Variants in MATK observed in about 807,000 individuals in gnomAD.
MATK encodes megakaryocyte-associated tyrosine kinase, also known as megakaryocyte-associated tyrosine-protein kinase.
Under a neutral mutation model 59.8 loss-of-function variants are expected in MATK, and 41 were observed. That is an observed-to-expected ratio of 0.69 (90% CI 0.53 to 0.89). The LOEUF (loss-of-function observed/expected upper bound fraction) is 0.89. Among genes scored for constraint, MATK ranks in the 40% least tolerant of loss-of-function variants. The pLI is 0.00. For missense variants in MATK, 593 were observed against 719.6 expected, an observed-to-expected ratio of 0.82 and a Z score of 2.01; for synonymous variants, 308 against 306.1, an observed-to-expected ratio of 1.01 and a Z score of -0.06.
In MATK at chr19:3,781,725, T is replaced by C. The variant is rs963427123; in HGVS notation, c.677-53A>G. 2.2e-5 allele frequency: 31 copies of C among 1,417,966 alleles called. No individual in the cohort carries two copies. The African/African-American group carries it at 2.7e-4, about 12-fold the overall frequency. The allele number at this position is 1,417,966 out of a possible 1,614,324, so 87.8% of individuals were successfully genotyped here. A position where few individuals can be genotyped will look rare whatever the true frequency, so the allele number is the denominator to read the frequency against. ...GTAATGGGCCCCCTAAATCCTCCCA[T>C]TGGGGGTTCTACTTGGTGAGAGACT... is the stretch of plus-strand genomic sequence containing the variant. On this transcript the variant is annotated intron_variant, in intron 7 of 13. Coordinates refer to ENST00000310132, the MANE Select transcript of MATK (RefSeq NM_139355.3).
chr19:3,784,030 C>T lies in MATK; in HGVS notation c.366G>A (p.Trp122Ter). Residue 122 changes from tryptophan to a stop codon, truncating the protein, a stop_gained, in exon 6 of 14, where the codon TGG (tryptophan) becomes TGA (stop). Coordinates refer to ENST00000310132, the MANE Select transcript of MATK (RefSeq NM_139355.3). LOFTEE classifies it high-confidence loss of function. ...CCTGGCCCGAGATCTTCCCGTGGAA[C>T]CACCTGCGGCCACGGAAGGGGTGGG... ...SADPKLSLMP[W>*]FHGKISGQEA... 1 of 1,601,830 alleles carries T rather than the reference C, an allele frequency of 6.2e-7. No individual in the cohort carries two copies. Among genetic ancestry groups the T allele is most frequent in the Non-Finnish European group, 8.5e-7 (1 of 1,172,870 alleles).
chr19:3,800,128 C>A lies in MATK; in HGVS notation c.-58+1404G>T, dbSNP rs1231876610. 9.8e-5 allele frequency among the ~76,000 whole-genome samples: 13 copies of A among 133,252 alleles called. No individual in the cohort carries two copies. The East Asian group carries it at 2.8e-3, about 29-fold the overall frequency. The allele number at this position is 133,252 out of a possible 152,430, so 87.4% of individuals were successfully genotyped here. Reference sequence around the variant, plus strand: ...CTGCGCTCCAGCCTGGGCAACAGAGCGAGACTCCGTCTCAAAAAAAAAAAA... The same window carrying A: ...CTGCGCTCCAGCCTGGGCAACAGAGAGAGACTCCGTCTCAAAAAAAAAAAA... On this transcript the variant is annotated intron_variant, in intron 1 of 13. Transcript: ENST00000395045.
chr19:3,778,469 C>A lies in MATK; in HGVS notation c.1284+40G>T, dbSNP rs747834767. ...AGGGGTCAGGGCCACAGCCTCTGGA[C>A]CTGCCCGGAACCCAGTGCCTCCCTG... On this transcript the variant is annotated intron_variant, in intron 13 of 13. Transcript: ENST00000310132. 3.1e-6 allele frequency: 5 copies of A among 1,613,736 alleles called. No homozygotes were observed. In the Admixed American group the frequency reaches 5.0e-5, roughly 16 times the overall value.
At chr19:3,800,438 G>A (rs1207553859) in intron 1 of MATK, among the ~76,000 whole-genome samples, 1 of 152,140 alleles carries the variant, frequency 6.6e-6, no homozygotes, top group Non-Finnish European at 1.5e-5. Context: ...CTGAGGTCAG[G>A]AGTTTGAGAC....
chr19:3,795,751 CTTTTTTTTTT>C lies in MATK; in HGVS notation c.-58+5771_-58+5780del, dbSNP rs530367941. On this transcript the variant is annotated intron_variant, in intron 1 of 13. Coordinates refer to the MATK transcript ENST00000395045. Reference sequence around the variant, plus strand: ...GTCTTTATTTTCTCATAAGTAGGTGCTTTTTTTTTTTTTTTTTTTTTTTTTTTTGAGATGG... The same window carrying C: ...GTCTTTATTTTCTCATAAGTAGGTGCTTTTTTTTTTTTTTTTTTGAGATGG... Among the ~76,000 whole-genome samples, 35 of 54,778 alleles carry C rather than the reference CTTTTTTTTTT, an allele frequency of 6.4e-4. No individual in the cohort carries two copies. In the South Asian group the frequency reaches 8.8e-3, roughly 14 times the overall value. The allele number at this position is 54,778 out of a possible 152,430, so 35.9% of individuals were successfully genotyped here. A position where few individuals can be genotyped will look rare whatever the true frequency, so the allele number is the denominator to read the frequency against.
At chr19:3,790,653 G>A (rs1568410076), upstream of MATK, among the ~76,000 whole-genome samples, 1 of 152,128 alleles carries the variant, frequency 6.6e-6, no homozygotes, top group Non-Finnish European at 1.5e-5. Context: ...AGTCCGAACT[G>A]CAGAAGTTTC....
At chr19:3,788,574 G>A (rs1409261453), upstream of MATK, among the ~76,000 whole-genome samples, 5 of 144,002 alleles carry the variant, frequency 3.5e-5, no homozygotes, top group South Asian at 1.1e-3. Flanking sequence ...AGCCAAGATC[G>A]CGCCACTGCA....
chr19:3,794,442 C>T (rs780676908), intron 1 of MATK, among the ~76,000 whole-genome samples: 7 of 152,004 alleles, frequency 4.6e-5, no homozygotes, highest in Non-Finnish European at 1.0e-4. Flanking sequence ...TTGCTTGAGC[C>T]CTGCCATTGG....
intron 1 of MATK, among the ~76,000 whole-genome samples, chr19:3,800,814 A>G (rs1450109684): frequency 6.6e-5 from 10 of 152,172 alleles, no homozygotes; most frequent in Admixed American, 6.6e-4. Flanking sequence ...ATTTATGTGG[A>G]AAAACACATG....
intron 8 of MATK, among the ~76,000 whole-genome samples, 160 bp downstream of exon 8, chr19:3,781,446 CT>C (rs1212635783): frequency 1.3e-5 from 2 of 152,028 alleles, no homozygotes; most frequent in African/African-American, 4.8e-5. Context: ...CCATTACCCC[CT>C]GTTCCAGAGG....
At position 3,784,149 on chromosome 19, in the gene MATK, C is replaced by A. The variant is rs753406082; in HGVS notation, c.337G>T (p.Ala113Ser). ...GGCATGAGGCTGAGCTTGGGGTCTG[C>A]GGAGAGGGCCTCCCGCTCCCGCAGC... ...GALREREALS[A>S]DPKLSLMPWF... Residue 113 changes from alanine (A) to serine (S), a missense_variant, in exon 5 of 14, where the codon GCA becomes TCA. Ala to Ser is a moderately conservative substitution (Grantham distance 99). Coordinates refer to ENST00000310132, the MANE Select transcript of MATK (RefSeq NM_139355.3). 1.9e-5 allele frequency: 30 copies of A among 1,612,288 alleles called. No individual in the cohort carries two copies. The South Asian group carries it at 3.1e-4, about 17-fold the overall frequency.
At chr19:3,783,734 C>G in intron 6 of MATK, 80 bp downstream of exon 6, 1 of 1,354,706 alleles carries the variant, frequency 7.4e-7, no homozygotes, top group Non-Finnish European at 1.0e-6. Flanking sequence ...ACCCGCCCCT[C>G]TATCTCTACG....
At chr19:3,791,188 C>G (rs892180467), upstream of MATK, among the ~76,000 whole-genome samples, 1 of 152,070 alleles carries the variant, frequency 6.6e-6, no homozygotes, top group Non-Finnish European at 1.5e-5. Context: ...ATTGCTGAGT[C>G]AAATTAGATT....
At chr19:3,786,434 C>A (rs2037486072), upstream of MATK, 4 of 976,742 alleles carry the variant, frequency 4.1e-6, no homozygotes, top group Non-Finnish European at 4.9e-6. The surrounding 1 kb of genome is among the most constrained non-coding windows in gnomAD (Gnocchi z 4.1). Flanking sequence ...GCCCCGCCTC[C>A]GCGGCCCCCG....
chr19:3,781,468 G>T (rs1293050935), intron 8 of MATK, 139 bp downstream of exon 8: 1 of 858,982 alleles, frequency 1.2e-6, no homozygotes, highest in African/African-American at 1.7e-5. Context: ...GGGAAACTGA[G>T]GCTCAGAGGA....
intron 8 of MATK, 21 bp downstream of exon 8, chr19:3,781,586 C>G (rs8105735): frequency 0.011 from 18,531 of 1,613,520 alleles, 465 homozygotes; most frequent in African/African-American, 0.1. Flanking sequence ...TTCAGCACCC[C>G]CAACCCAGTC....
rs753308774 is a variant in MATK at position 3,779,526 on chromosome 19, G to C, written c.927+7C>G. 2 of 1,610,830 alleles carry C rather than the reference G, an allele frequency of 1.2e-6. No individual in the cohort carries two copies. The highest frequency in any genetic ancestry group is 1.7e-6 in the Non-Finnish European group (2 of 1,178,888). ...TGGGCCCCCTCCCCGCCTGGGCCCC[G>C]CCCCACCTTGCTCACGTGCTCCATG... is the stretch of plus-strand genomic sequence containing the variant. On this transcript the variant is annotated splice_region_variant and intron_variant, in intron 10 of 13. Transcript: ENST00000310132.
chr19:3,779,807 G>A lies in MATK; in HGVS notation c.743-10C>T. On this transcript the variant is annotated splice_polypyrimidine_tract_variant and intron_variant, in intron 8 of 13. Transcript: ENST00000310132. ...TCACCCTGCAGGACAGCTGGGGGGT[G>A]GGGGTGGGGAACGGGGTGAGATCAG... The A allele has an allele frequency of 1.3e-6, 2 of 1,571,886 alleles. No individual in the cohort carries two copies. Among genetic ancestry groups the A allele is most frequent in the Non-Finnish European group, 1.7e-6 (2 of 1,142,904 alleles).
At chr19:3,787,054 G>A (rs1020238555), upstream of MATK, among the ~76,000 whole-genome samples, 3 of 152,188 alleles carry the variant, frequency 2.0e-5, no homozygotes, top group Non-Finnish European at 4.4e-5. Context: ...CAGGGCCCTG[G>A]CCCCCAGCGA....
Sources: gnomAD v4.1 joint callset for allele counts (sites outside exome capture counted in the v4.1 genomes callset) on GRCh38, gnomAD v4.1.1 for gene constraint, Gnocchi (gnomAD v3.1) non-coding constraint, MANE v1.5 for transcripts, NCBI Gene and HGNC (gene_info 2026-07-23, HGNC 2026-07-21) for gene names.